PTPRO: variants seen among roughly 807,000 people sequenced by gnomAD.
The protein encoded by PTPRO is receptor-type tyrosine-protein phosphatase O.
PTPRO carries 62 observed loss-of-function variants against 145.2 expected under a neutral mutation model. The observed-to-expected ratio is 0.43, with a 90% CI of 0.35 to 0.53. The LOEUF is 0.53. PTPRO is among the 20% of genes least tolerant of loss of function. The pLI is 0.01. For synonymous variants in PTPRO, 565 were observed against 514.7 expected, an observed-to-expected ratio of 1.10 and a Z score of -1.32; for missense variants, 1,345 against 1,482.7, an observed-to-expected ratio of 0.91 and a Z score of 1.53.
At chr12:15,399,188 A>G (rs1004529296) in intron 1 of PTPRO, among the ~76,000 whole-genome samples, 1 of 152,224 alleles carries the variant, frequency 6.6e-6, no homozygotes, top group African/African-American at 2.4e-5. Flanking sequence ...GGGTACTTTG[A>G]GCACTACTCC....
intron 1 of PTPRO, among the ~76,000 whole-genome samples, chr12:15,356,104 A>G (rs1384980027): frequency 6.6e-6 from 1 of 152,352 alleles, no homozygotes; most frequent in African/African-American, 2.4e-5. Context: ...TCCAAATTGT[A>G]TAGATGTTAC....
At chr12:15,329,238 C>G (rs1030026836) in intron 1 of PTPRO, among the ~76,000 whole-genome samples, 5 of 152,168 alleles carry the variant, frequency 3.3e-5, no homozygotes, top group African/African-American at 1.2e-4. Flanking sequence ...CAATTATGAG[C>G]CTGCTGTGCT....
intron 18 of PTPRO, among the ~76,000 whole-genome samples, chr12:15,568,245 C>T (rs1423291639): frequency 6.6e-6 from 1 of 151,160 alleles, no homozygotes; most frequent in Non-Finnish European, 1.5e-5. Context: ...CCTTGGACAA[C>T]ATGGTGAAAC....
In PTPRO at chr12:15,595,041, G is replaced by A. The variant is rs781581080; in HGVS notation, c.3651G>A (p.Ter1217=). The A allele has an allele frequency of 1.6e-5, 25 of 1,611,128 alleles. No individual in the cohort carries two copies. Among genetic ancestry groups the A allele is most frequent in the Non-Finnish European group, 2.0e-5 (23 of 1,177,598 alleles). ...DVIYENVSKS[*] ...TATACGAGAATGTTAGCAAGTCCTAGTTCAGAATCCGGAGCAGTAAGTGGA... is the reference window on the plus strand; with the variant it reads ...TATACGAGAATGTTAGCAAGTCCTAATTCAGAATCCGGAGCAGTAAGTGGA... Residue 1217 remains the stop codon, a stop_retained_variant, in exon 26 of 27, where the codon TAG becomes TAA. Transcript: ENST00000281171.
intron 11 of PTPRO, 150 bp downstream of exon 11, chr12:15,525,115 T>A: frequency 2.2e-6 from 2 of 924,732 alleles, no homozygotes; most frequent in Non-Finnish European, 3.3e-6. Flanking sequence ...GAACAAAAAT[T>A]GAATTCTTCC....
At chr12:15,498,853 A>T (rs917741129) in intron 3 of PTPRO, among the ~76,000 whole-genome samples, 1 of 152,206 alleles carries the variant, frequency 6.6e-6, no homozygotes, top group Non-Finnish European at 1.5e-5. Flanking sequence ...TTAGATTTCA[A>T]TTCAATAAGT....
chr12:15,533,277 A>G (rs983629416), intron 12 of PTPRO, among the ~76,000 whole-genome samples: 3 of 152,220 alleles, frequency 2.0e-5, no homozygotes, highest in Non-Finnish European at 2.9e-5. Context: ...CTTAGGATCA[A>G]TAACCTTTTT....
intron 23 of PTPRO, 37 bp from the exon 24 acceptor site, chr12:15,586,859 GA>G: frequency 6.2e-7 from 1 of 1,613,442 alleles, no homozygotes; most frequent in Non-Finnish European, 8.5e-7. Flanking sequence ...ACAGTGAACT[GA>G]AAAATTAATG....
In PTPRO at chr12:15,322,747, G is replaced by A. The variant is rs774519030; in HGVS notation, c.21G>A (p.Gly7=). 5 of 1,612,012 alleles carry A rather than the reference G, an allele frequency of 3.1e-6. No homozygotes were observed. Among genetic ancestry groups the A allele is most frequent in the Admixed American group, 1.7e-5 (1 of 59,960 alleles). Residue 7 remains glycine, a synonymous_variant, in exon 1 of 27, where the codon GGG becomes GGA. Coordinates refer to ENST00000281171, the MANE Select transcript of PTPRO (RefSeq NM_030667.3). The surrounding 1 kb of genome is among the most constrained non-coding windows in gnomAD (Gnocchi z 6.3). Reference sequence around the variant, plus strand: ...CAGCGATGGGGCACCTGCCCACGGGGATACACGGCGCCCGCCGCCTCCTGC... The same window carrying A: ...CAGCGATGGGGCACCTGCCCACGGGAATACACGGCGCCCGCCGCCTCCTGC... MGHLPT[G]IHGARRLLPL...
At chr12:15,411,945 G>A (rs1034433545) in intron 1 of PTPRO, among the ~76,000 whole-genome samples, 1 of 152,166 alleles carries the variant, frequency 6.6e-6, no homozygotes, top group African/African-American at 2.4e-5. Context: ...CACTGAATAA[G>A]AGAAAAGAGA....
intron 18 of PTPRO, among the ~76,000 whole-genome samples, chr12:15,567,108 C>A (rs1466466837): frequency 1.3e-5 from 2 of 152,028 alleles, no homozygotes; most frequent in African/African-American, 2.4e-5. Context: ...AAGACCCAGA[C>A]AAAAGATAGG....
At chr12:15,553,721 T>C (rs1187980757) in intron 15 of PTPRO, among the ~76,000 whole-genome samples, 1 of 152,164 alleles carries the variant, frequency 6.6e-6, no homozygotes, top group African/African-American at 2.4e-5. Context: ...TTTTGACTTT[T>C]ATGTAGAAAA....
intron 6 of PTPRO, 90 bp downstream of exon 6, chr12:15,504,159 C>G: frequency 7.2e-7 from 1 of 1,379,930 alleles, no homozygotes; most frequent in Non-Finnish European, 1.0e-6. Flanking sequence ...CAATTATTCA[C>G]AAACCTTAGG....
intron 1 of PTPRO, among the ~76,000 whole-genome samples, chr12:15,364,516 C>T (rs896182562): frequency 6.6e-6 from 1 of 152,278 alleles, no homozygotes; most frequent in African/African-American, 2.4e-5. Flanking sequence ...GCAGAGTTTT[C>T]TATTCCTATA....
At chr12:15,331,958 CTTTCTTTT>C (rs1866621627) in intron 1 of PTPRO, among the ~76,000 whole-genome samples, 1 of 130,000 alleles carries the variant, frequency 7.7e-6, no homozygotes, top group African/African-American at 2.7e-5. Flanking sequence ...GTTTCTCTTT[CTTTCTTTT>C]TTTTTTTTTT....
At chr12:15,540,218 T>C (rs1482317560) in intron 12 of PTPRO, among the ~76,000 whole-genome samples, 2 of 152,230 alleles carry the variant, frequency 1.3e-5, no homozygotes, top group Non-Finnish European at 2.9e-5. Context: ...ACATTGCAGA[T>C]GCTTCCTTTG....
chr12:15,499,219 G>T (rs1192281609), intron 3 of PTPRO, among the ~76,000 whole-genome samples: 1 of 152,084 alleles, frequency 6.6e-6, no homozygotes, highest in Non-Finnish European at 1.5e-5. Flanking sequence ...CTCCAATTGT[G>T]TTTGATCTGC....
intron 1 of PTPRO, among the ~76,000 whole-genome samples, chr12:15,417,029 T>C (rs1485649992): frequency 2.0e-5 from 3 of 151,714 alleles, no homozygotes; most frequent in Non-Finnish European, 4.4e-5. Context: ...ATGACATTAT[T>C]TGTGCCTTCC....
chr12:15,382,955 T>A (rs1938910104), intron 1 of PTPRO, among the ~76,000 whole-genome samples: 1 of 152,232 alleles, frequency 6.6e-6, no homozygotes, highest in African/African-American at 2.4e-5. Context: ...CACTTATCAT[T>A]TCTTTGTGGT....
Sources: allele counts gnomAD v4.1 joint callset (sites outside exome capture counted in the v4.1 genomes callset), GRCh38; gene constraint gnomAD v4.1.1; non-coding constraint Gnocchi (gnomAD v3.1); transcripts MANE v1.5; gene names NCBI Gene and HGNC (gene_info 2026-07-23, HGNC 2026-07-21).